RAD54L2: variants seen among roughly 807,000 people sequenced by gnomAD.
RAD54L2 encodes the protein RAD54 like 2.
In RAD54L2, 27 loss-of-function variants were observed where a neutral mutation model predicts 138.4. The ratio of observed to expected loss-of-function variants is 0.20; its 90% CI spans 0.14 to 0.27. The LOEUF is 0.27. Among genes scored for constraint, RAD54L2 ranks in the 10% least tolerant of loss-of-function variants. RAD54L2 has a pLI of 1.00. For missense variants in RAD54L2, 1,396 were observed against 1,890.2 expected (o/e 0.74, Z 4.85); for synonymous variants, 644 against 723.2 (o/e 0.89, Z 1.76).
At chr3:51,610,199 A>G (rs1274087400) in intron 3 of RAD54L2, among the ~76,000 whole-genome samples, 1 of 152,180 alleles carries the variant, frequency 6.6e-6, no homozygotes, top group Non-Finnish European at 1.5e-5. Flanking sequence ...ATTCTGCACT[A>G]TAACATAAGA....
At chr3:51,556,872 G>A (rs1461363152) in intron 2 of RAD54L2, among the ~76,000 whole-genome samples, 1 of 152,024 alleles carries the variant, frequency 6.6e-6, no homozygotes, top group Non-Finnish European at 1.5e-5. Context: ...CACTGCACCC[G>A]GCCCTATATA....
At chr3:51,658,733 A>G (rs1323660762) in intron 21 of RAD54L2, among the ~76,000 whole-genome samples, 1 of 152,096 alleles carries the variant, frequency 6.6e-6, no homozygotes, top group Non-Finnish European at 1.5e-5. Flanking sequence ...GACTCATAGA[A>G]AACACCATTC....
intron 3 of RAD54L2, among the ~76,000 whole-genome samples, chr3:51,592,066 T>G (rs947120752): frequency 4.3e-4 from 56 of 131,154 alleles, no homozygotes; most frequent in Non-Finnish European, 4.8e-4. Flanking sequence ...TTTTTTTTTT[T>G]TTTTTTTTTT....
Position 51,656,040 on chromosome 3 carries a change from C to T in RAD54L2, c.3096C>T (p.Pro1032=). ...SVRPVQSTPI[P]MMPRHVPLGG... is the part of the protein sequence containing the mutation. ...GTCCTGTGCAGTCCACCCCCATCCC[C>T]ATGATGCCCCGGCATGTCCCATTGG... Residue 1032 remains proline (P), a synonymous_variant, in exon 20 of 23, where the codon CCC becomes CCT. Transcript: ENST00000684192. The T allele has an allele frequency of 6.2e-7, 1 of 1,614,024 alleles. No individual in the cohort carries two copies. Among genetic ancestry groups the T allele is most frequent in the Non-Finnish European group, 8.5e-7 (1 of 1,179,884 alleles).
At chr3:51,597,523 T>C (rs1008538251) in intron 3 of RAD54L2, among the ~76,000 whole-genome samples, 1 of 152,106 alleles carries the variant, frequency 6.6e-6, no homozygotes, top group Admixed American at 6.6e-5. Flanking sequence ...ACATACGTTT[T>C]TTGAGATGAA....
chr3:51,577,526 C>G (rs1699506267), intron 2 of RAD54L2, among the ~76,000 whole-genome samples: 1 of 152,150 alleles, frequency 6.6e-6, no homozygotes, highest in African/African-American at 2.4e-5. Flanking sequence ...AATCTGGGTG[C>G]TCCTGTATTG....
At chr3:51,629,245 T>A in intron 4 of RAD54L2, 89 bp from the exon 5 acceptor site, 1 of 1,397,918 alleles carries the variant, frequency 7.2e-7, no homozygotes, top group Non-Finnish European at 9.8e-7. Flanking sequence ...GACTCTGAGA[T>A]CATCAATGGC....
rs777382996 is a variant in RAD54L2, at chr3:51,662,987, C to T, written c.3971C>T (p.Pro1324Leu). 1.2e-6 allele frequency: 2 copies of T among 1,613,898 alleles called. No individual in the cohort carries two copies. Among genetic ancestry groups the T allele is most frequent in the East Asian group, 2.2e-5 (1 of 44,886 alleles). ...AACTCCCTGTTTATGGGCAGTACCC[C>T]CTCCTACTACCAGCTGTCCAATTTG... is the stretch of plus-strand genomic sequence containing the variant. ...GENSLFMGSTPSYYQLSNLLA... is the reference protein window; with the variant it reads ...GENSLFMGSTLSYYQLSNLLA... The change falls in exon 23 of 23, where the codon CCC (proline) becomes CTC (leucine). Residue 1324 changes from proline to leucine, a missense_variant. This residue lies in a region of RAD54L2 where 634 missense variants were observed against 711.2 expected (regional missense o/e 0.89). Transcript: ENST00000684192. The surrounding 1 kb of genome is among the most constrained non-coding windows in gnomAD (Gnocchi z 4.6).
Position 51,645,153 on chromosome 3 carries a change from C to T in RAD54L2, c.2580C>T (p.Tyr860=), listed in dbSNP as rs1477678826. Reference sequence around the variant, plus strand: ...GTTATGGCCAGAAAAAGCCCTGTTACATCTATCGCCTTGTGGCTGATTACA... The same window carrying T: ...GTTATGGCCAGAAAAAGCCCTGTTATATCTATCGCCTTGTGGCTGATTACA... ...VYRYGQKKPC[Y]IYRLVADYTL... Residue 860 remains tyrosine (Y), a synonymous_variant, in exon 17 of 23, where the codon TAC becomes TAT. Transcript: ENST00000684192. This position sits in a 1 kb window ranked among gnomAD's most constrained non-coding sequence, Gnocchi z 6.1. The T allele has an allele frequency of 2.5e-6, 4 of 1,613,826 alleles. No homozygotes were observed. In the Admixed American group the frequency reaches 5.0e-5, roughly 20 times the overall value.
chr3:51,653,427 C>T (rs1701503263), intron 19 of RAD54L2, among the ~76,000 whole-genome samples: 1 of 152,200 alleles, frequency 6.6e-6, no homozygotes, highest in Non-Finnish European at 1.5e-5. Context: ...CATCCCATTA[C>T]TGGGTATATA....
intron 3 of RAD54L2, among the ~76,000 whole-genome samples, chr3:51,601,010 G>A (rs1317428790): frequency 6.6e-6 from 1 of 152,068 alleles, no homozygotes; most frequent in African/African-American, 2.4e-5. Flanking sequence ...TGAGTATATT[G>A]TAGGACTGGG....
chr3:51,655,926 G>T, intron 19 of RAD54L2, 45 bp from the exon 20 acceptor site: 1 of 1,518,098 alleles, frequency 6.6e-7, no homozygotes, highest in Non-Finnish European at 9.0e-7. Flanking sequence ...AAAGGTAACA[G>T]TTGTTCTGCC....
chr3:51,632,249 G>A (rs536383995), intron 7 of RAD54L2, among the ~76,000 whole-genome samples: 34 of 152,228 alleles, frequency 2.2e-4, no homozygotes, highest in East Asian at 1.4e-3. Context: ...GGTTGATTAC[G>A]TATTTTGGCT....
chr3:51,546,182 C>T (rs1403361266), intron 2 of RAD54L2, among the ~76,000 whole-genome samples: 1 of 151,018 alleles, frequency 6.6e-6, no homozygotes, highest in Admixed American at 6.6e-5. Flanking sequence ...CAGGTGATCC[C>T]CCCTCCTCAG....
intron 13 of RAD54L2, 69 bp downstream of exon 13, chr3:51,639,739 G>A: frequency 6.3e-7 from 1 of 1,581,732 alleles, no homozygotes; most frequent in Non-Finnish European, 8.6e-7. Context: ...CCCTGCCTGG[G>A]GAAGGGGTAG....
At chr3:51,577,144 G>T (rs1345470951) in intron 2 of RAD54L2, among the ~76,000 whole-genome samples, 1 of 152,202 alleles carries the variant, frequency 6.6e-6, no homozygotes, top group Non-Finnish European at 1.5e-5. Context: ...TTTCCATGTA[G>T]TTGAGTGGTT....
intron 2 of RAD54L2, among the ~76,000 whole-genome samples, chr3:51,564,173 T>G (rs574664870): frequency 9.2e-5 from 14 of 152,184 alleles, no homozygotes; most frequent in Non-Finnish European, 1.5e-4. Flanking sequence ...GCCAGGCTTC[T>G]TTTCTATTCT....
intron 3 of RAD54L2, among the ~76,000 whole-genome samples, chr3:51,612,176 A>G (rs932053890): frequency 6.6e-6 from 1 of 152,212 alleles, no homozygotes; most frequent in African/African-American, 2.4e-5. Flanking sequence ...TTTAAAAATC[A>G]GCTCAAGGCC....
chr3:51,610,675 T>C (rs903345255), intron 3 of RAD54L2, among the ~76,000 whole-genome samples: 5 of 150,264 alleles, frequency 3.3e-5, no homozygotes, highest in Non-Finnish European at 7.4e-5. Flanking sequence ...AATGAATGAA[T>C]CTTCTTTAAT....
Sources: allele counts gnomAD v4.1 joint callset (sites outside exome capture counted in the v4.1 genomes callset), GRCh38; gene constraint gnomAD v4.1.1; regional missense constraint gnomAD v4.1.1; non-coding constraint Gnocchi (gnomAD v3.1); transcripts MANE v1.5; gene names NCBI Gene and HGNC (gene_info 2026-07-23, HGNC 2026-07-21).